Variants in CFAP299 observed in about 807,000 individuals in gnomAD.
CFAP299 encodes cilia- and flagella-associated protein 299.
In CFAP299, 21 loss-of-function variants were observed where a neutral mutation model predicts 27.0. The observed-to-expected ratio is 0.78, with a 90% CI of 0.55 to 1.12. The LOEUF (loss-of-function observed/expected upper bound fraction) is 1.12. CFAP299 is among the 50% of genes most tolerant of loss of function. CFAP299 has a pLI of 0.00. For missense variants in CFAP299, 310 were observed against 276.6 expected, an observed-to-expected ratio of 1.12 and a Z score of -0.86; for synonymous variants, 104 against 98.1, an observed-to-expected ratio of 1.06 and a Z score of -0.36.
intron 3 of CFAP299, among the ~76,000 whole-genome samples, chr4:80,626,146 A>G (rs979051220): frequency 6.6e-6 from 1 of 151,984 alleles, no homozygotes; most frequent in Non-Finnish European, 1.5e-5. Flanking sequence ...TTAGGCCACA[A>G]AGCAAGTCTT....
chr4:80,911,204 T>C (rs2110203453), intron 4 of CFAP299, among the ~76,000 whole-genome samples: 1 of 150,838 alleles, frequency 6.6e-6, no homozygotes, highest in East Asian at 1.9e-4. Flanking sequence ...TTTTACATTT[T>C]TTTGCTTGGT....
intron 3 of CFAP299, among the ~76,000 whole-genome samples, chr4:80,647,328 G>C (rs1383475989): frequency 6.6e-6 from 1 of 152,066 alleles, no homozygotes; most frequent in African/African-American, 2.4e-5. Context: ...CATCTGTTTG[G>C]TGCATGCTCT....
chr4:80,695,927 A>G (rs1389184331), intron 3 of CFAP299, among the ~76,000 whole-genome samples: 1 of 152,122 alleles, frequency 6.6e-6, no homozygotes, highest in Non-Finnish European at 1.5e-5. Context: ...TAGGATTACA[A>G]GCATGAGCCA....
intron 3 of CFAP299, among the ~76,000 whole-genome samples, chr4:80,621,257 T>C (rs945325336): frequency 1.3e-5 from 2 of 152,128 alleles, no homozygotes; most frequent in African/African-American, 4.8e-5. Flanking sequence ...TGGGTAGGCT[T>C]GGACTGCTGA....
At chr4:80,884,728 G>A (rs530465999) in intron 4 of CFAP299, among the ~76,000 whole-genome samples, 1 of 150,736 alleles carries the variant, frequency 6.6e-6, no homozygotes, top group Admixed American at 6.6e-5. Flanking sequence ...AAACAAAGTT[G>A]ACATTCCTTT....
At chr4:80,895,527 A>G (rs1734571952) in intron 4 of CFAP299, among the ~76,000 whole-genome samples, 1 of 152,054 alleles carries the variant, frequency 6.6e-6, no homozygotes, top group Admixed American at 6.6e-5. Flanking sequence ...TTTCACAAAT[A>G]TATGTTTTGT....
At chr4:80,550,220 G>A (rs1280219084) in intron 2 of CFAP299, among the ~76,000 whole-genome samples, 1 of 151,918 alleles carries the variant, frequency 6.6e-6, no homozygotes, top group Non-Finnish European at 1.5e-5. Flanking sequence ...CATTTATTGA[G>A]CTCAAACATG....
intron 3 of CFAP299, among the ~76,000 whole-genome samples, chr4:80,712,557 G>A (rs1172163907): frequency 4.6e-5 from 7 of 152,016 alleles, no homozygotes; most frequent in Non-Finnish European, 8.8e-5. Context: ...AGTCAACAAT[G>A]GTGACTAACT....
At chr4:80,643,191 T>C (rs904272494) in intron 3 of CFAP299, among the ~76,000 whole-genome samples, 1 of 152,074 alleles carries the variant, frequency 6.6e-6, no homozygotes, top group Non-Finnish European at 1.5e-5. Flanking sequence ...AGTGATTGAC[T>C]AGGCCAAATC....
At chr4:80,744,123 T>C (rs1724445678) in intron 3 of CFAP299, among the ~76,000 whole-genome samples, 1 of 152,198 alleles carries the variant, frequency 6.6e-6, no homozygotes, top group Admixed American at 6.5e-5. Flanking sequence ...AATTCATGAT[T>C]TTCTATTTTT....
chr4:80,327,610 G>A, the CFAP299 span, among the ~76,000 whole-genome samples: 1 of 139,020 alleles, frequency 7.2e-6, no homozygotes, highest in East Asian at 2.1e-4. Context: ...AAAAATAGTG[G>A]CTGGGTGCAT....
chr4:80,689,804 C>G (rs191670587), intron 3 of CFAP299, among the ~76,000 whole-genome samples: 63 of 152,268 alleles, frequency 4.1e-4, no homozygotes, highest in African/African-American at 1.5e-3. Context: ...ACCCATCTCA[C>G]ATGCAGAGAC....
chr4:80,337,488 C>T (rs1366662630), intron 1 of CFAP299, among the ~76,000 whole-genome samples: 1 of 151,978 alleles, frequency 6.6e-6, no homozygotes, highest in Non-Finnish European at 1.5e-5. Context: ...ACCTCCGCTC[C>T]CCAGGTTCAA....
chr4:80,794,682 CCATGATGGT>C (rs1271509520), intron 3 of CFAP299, among the ~76,000 whole-genome samples: 3 of 152,276 alleles, frequency 2.0e-5, no homozygotes, highest in Non-Finnish European at 2.9e-5. Context: ...GTGTGAAATA[CCATGATGGT>C]GGATAAGGCA....
At chr4:80,860,778 CA>C (rs1732283193) in intron 3 of CFAP299, among the ~76,000 whole-genome samples, 1 of 152,146 alleles carries the variant, frequency 6.6e-6, no homozygotes, top group Non-Finnish European at 1.5e-5. Context: ...AGTTTTGTCT[CA>C]GAGGAGTACC....
intron 3 of CFAP299, among the ~76,000 whole-genome samples, chr4:80,864,456 AAGTATATATATACCTATG>A (rs1732577544): frequency 6.9e-6 from 1 of 145,158 alleles, no homozygotes; most frequent in African/African-American, 2.6e-5. Context: ...ATACCTATAT[AAGTATATATATACCTATG>A]TGTATACATA....
At chr4:80,496,234 T>G (rs1217910943) in intron 2 of CFAP299, among the ~76,000 whole-genome samples, 1 of 152,176 alleles carries the variant, frequency 6.6e-6, no homozygotes, top group East Asian at 1.9e-4. Flanking sequence ...AAATATAAGT[T>G]CCAACTTTAA....
chr4:80,742,181 A>G (rs772601994), intron 3 of CFAP299, among the ~76,000 whole-genome samples: 1 of 152,096 alleles, frequency 6.6e-6, no homozygotes, highest in Non-Finnish European at 1.5e-5. Flanking sequence ...GTGATTTTGT[A>G]TTCTAGTGAT....
intron 2 of CFAP299, among the ~76,000 whole-genome samples, chr4:80,577,397 ATTTTTTTTTTTT>A (rs34922224): frequency 4.0e-5 from 4 of 98,826 alleles, no homozygotes; most frequent in Non-Finnish European, 5.5e-5. Flanking sequence ...ATTAGAAAAC[ATTTTTTTTTTTT>A]TTTTTTTTTT....
Sources: allele counts gnomAD v4.1 joint callset (sites outside exome capture counted in the v4.1 genomes callset), GRCh38; gene constraint gnomAD v4.1.1; transcripts MANE v1.5; gene names NCBI Gene and HGNC (gene_info 2026-07-23, HGNC 2026-07-21).